The following HGF variants were observed in gnomAD, a reference collection of about 807,000 sequenced individuals.
The protein encoded by HGF is hepatocyte growth factor.
HGF carries 39 observed loss-of-function variants against 111.6 expected under a neutral mutation model. That is an observed-to-expected ratio of 0.35 (90% confidence interval 0.27 to 0.46). The LOEUF (loss-of-function observed/expected upper bound fraction) is 0.46, where lower values mean the gene tolerates loss of function less well. Ranked by LOEUF, HGF falls within the 20% of genes least tolerant of loss-of-function variation. The pLI is 1.00. For synonymous variants in HGF, 285 were observed against 294.8 expected (o/e 0.97, Z 0.34); for missense variants, 735 against 910.5 (o/e 0.81, Z 2.48).
intron 1 of HGF, among the ~76,000 whole-genome samples, chr7:81,768,600 C>G (rs28521657): frequency 0.015 from 2,241 of 152,224 alleles, 52 homozygotes; most frequent in African/African-American, 0.052. Flanking sequence ...AGGATGGTCT[C>G]AATCTCCTGA....
intron 9 of HGF, 85 bp from the exon 10 acceptor site, chr7:81,720,932 G>T: frequency 3.8e-6 from 3 of 780,128 alleles, no homozygotes; most frequent in Non-Finnish European, 4.5e-6. Context: ...ATGGAATCAT[G>T]AAATCAACAT....
chr7:81,708,816 A>G (rs999173538), intron 13 of HGF, among the ~76,000 whole-genome samples: 1 of 151,860 alleles, frequency 6.6e-6, no homozygotes, highest in Non-Finnish European at 1.5e-5. Context: ...AAATCCTCAT[A>G]CTGCACACTC....
chr7:81,755,984 T>A (rs1277589590), intron 4 of HGF: 1 of 701,420 alleles, frequency 1.4e-6, no homozygotes. Context: ...TGTTTCCTAA[T>A]GAAGAATCAT....
intron 1 of HGF, among the ~76,000 whole-genome samples, chr7:81,768,930 T>C (rs561865519): frequency 6.6e-6 from 1 of 152,334 alleles, no homozygotes; most frequent in South Asian, 2.1e-4. Flanking sequence ...ATCAAAGGTC[T>C]GATAAATGTC....
chr7:81,760,481 C>T (rs1789010809), intron 2 of HGF, among the ~76,000 whole-genome samples: 2 of 152,114 alleles, frequency 1.3e-5, no homozygotes, highest in African/African-American at 4.8e-5. Context: ...GATGGTTTCG[C>T]ACACTTCTTT....
chr7:81,714,684 T>G (rs2115828631), intron 11 of HGF, among the ~76,000 whole-genome samples: 1 of 152,148 alleles, frequency 6.6e-6, no homozygotes, highest in South Asian at 2.1e-4. Flanking sequence ...ATATGTAAAA[T>G]ATTATTTTGT....
chr7:81,768,649 G>T (rs1449773968), intron 1 of HGF, among the ~76,000 whole-genome samples: 1 of 152,146 alleles, frequency 6.6e-6, no homozygotes, highest in Non-Finnish European at 1.5e-5. Flanking sequence ...AAAGTGCTGG[G>T]ATTACAGGCG....
chr7:81,748,943 A>G (rs1367029644), intron 5 of HGF, among the ~76,000 whole-genome samples: 1 of 152,210 alleles, frequency 6.6e-6, no homozygotes. Context: ...ACAGACTAAA[A>G]GAGTTATTTT....
intron 1 of HGF, among the ~76,000 whole-genome samples, chr7:81,767,183 T>G (rs1447510578): frequency 6.6e-6 from 1 of 152,136 alleles, no homozygotes; most frequent in Non-Finnish European, 1.5e-5. Context: ...TCAACCATAG[T>G]ACAAAGTATT....
intron 3 of HGF, 143 bp from the exon 4 acceptor site, chr7:81,757,446 C>T: frequency 6.3e-6 from 4 of 636,044 alleles, no homozygotes; most frequent in Non-Finnish European, 1.1e-5. Context: ...AAAGCTTCTA[C>T]TAGTATTTTC....
At chr7:81,748,766 G>T (rs1788376192) in intron 5 of HGF, among the ~76,000 whole-genome samples, 1 of 152,128 alleles carries the variant, frequency 6.6e-6, no homozygotes, top group South Asian at 2.1e-4. Context: ...TTCAATATTT[G>T]TTCTAAGTAC....
chr7:81,754,047 T>C (rs1243434957), intron 4 of HGF, among the ~76,000 whole-genome samples: 2 of 152,134 alleles, frequency 1.3e-5, no homozygotes, highest in East Asian at 3.9e-4. Flanking sequence ...ATCAAATTTA[T>C]TTAAGCAAAG....
chr7:81,743,239 C>T, intron 7 of HGF, 114 bp downstream of exon 7: 1 of 803,422 alleles, frequency 1.2e-6, no homozygotes, highest in Admixed American at 1.7e-5. Context: ...ATATTAAAAC[C>T]TGCACACATT....
chr7:81,743,518 AC>A (rs1387045510), intron 6 of HGF, 47 bp from the exon 7 acceptor site: 10 of 1,134,444 alleles, frequency 8.8e-6, no homozygotes, highest in Non-Finnish European at 1.3e-5. Flanking sequence ...GCCTGGAAAC[AC>A]CACCCACCCC....
intron 11 of HGF, among the ~76,000 whole-genome samples, chr7:81,712,402 G>C (rs560438971): frequency 1.2e-4 from 19 of 152,162 alleles, no homozygotes; most frequent in Non-Finnish European, 2.6e-4. Flanking sequence ...TGGAAAAAGA[G>C]GAATAATACA....
At chr7:81,754,084 A>T (rs1298293231) in intron 4 of HGF, among the ~76,000 whole-genome samples, 1 of 151,958 alleles carries the variant, frequency 6.6e-6, no homozygotes, top group Non-Finnish European at 1.5e-5. Flanking sequence ...TTTATGGAAA[A>T]GTTGATATGG....
At chr7:81,706,567 C>T (rs1789433716) in intron 14 of HGF, 140 bp from the exon 15 acceptor site, 1 of 678,834 alleles carries the variant, frequency 1.5e-6, no homozygotes, top group African/African-American at 1.8e-5. Flanking sequence ...TAAAGAACAA[C>T]ACATTTGTTA....
Position 81,702,664 on chromosome 7 carries a change from G to T in HGF, c.2104C>A (p.Arg702Ser), listed in dbSNP as rs1383506132. 6.2e-7 allele frequency: 1 copy of T among 1,611,344 alleles called. No individual in the cohort carries two copies. Among genetic ancestry groups the T allele is most frequent in the South Asian group, 1.1e-5 (1 of 90,996 alleles). The change falls in exon 18 of 18, where the codon CGT (arginine) becomes AGT (serine). Residue 702 changes from arginine to serine, a missense_variant. This residue lies in a region of HGF where 52 missense variants were observed against 95.0 expected (regional missense o/e 0.55). Coordinates refer to ENST00000222390, the MANE Select transcript of HGF (RefSeq NM_000601.6). ...GCTACTCGGACAAAAATACCAGGACGATTTGGAATGGCACATCCACGACCA... is the reference window on the plus strand; with the variant it reads ...GCTACTCGGACAAAAATACCAGGACTATTTGGAATGGCACATCCACGACCA... Reference protein sequence around the residue: ...VPGRGCAIPNRPGIFVRVAYY... With the variant: ...VPGRGCAIPNSPGIFVRVAYY...
At chr7:81,707,548 C>T (rs186087199) in intron 13 of HGF, among the ~76,000 whole-genome samples, 184 bp from the exon 14 acceptor site, 1 of 151,988 alleles carries the variant, frequency 6.6e-6, no homozygotes, top group African/African-American at 2.4e-5. Flanking sequence ...GTGATTGTAG[C>T]GTTAGCTTTT....
Sources: gnomAD v4.1 joint callset for allele counts (sites outside exome capture counted in the v4.1 genomes callset) on GRCh38, gnomAD v4.1.1 for gene constraint, gnomAD v4.1.1 regional missense constraint, MANE v1.5 for transcripts, NCBI Gene and HGNC (gene_info 2026-07-23, HGNC 2026-07-21) for gene names.